The following TBC1D1 variants were observed in gnomAD, a reference collection of about 807,000 sequenced individuals.
The protein encoded by TBC1D1 is TBC1 domain family member 1, also known as TBC1 (tre-2/USP6, BUB2, cdc16) domain family, member 1.
A neutral mutation model predicts 125.6 loss-of-function variants in TBC1D1; 89 were observed. The ratio of observed to expected loss-of-function variants is 0.71; its 90% CI spans 0.60 to 0.85. TBC1D1 has a LOEUF of 0.85. TBC1D1 is among the 40% of genes least tolerant of loss of function. TBC1D1 has a pLI of 0.00. For synonymous variants in TBC1D1, 565 were observed against 564.1 expected (o/e 1.00, Z -0.02); for missense variants, 1,377 against 1,469.2 (o/e 0.94, Z 1.03).
At chr4:37,978,920 A>C (rs1254828077) in intron 2 of TBC1D1, among the ~76,000 whole-genome samples, 1 of 152,204 alleles carries the variant, frequency 6.6e-6, no homozygotes, top group Admixed American at 6.5e-5. Flanking sequence ...CTTGTCACCT[A>C]GGCTGGAGTG....
chr4:37,992,651 C>T (rs1413546312), intron 2 of TBC1D1, among the ~76,000 whole-genome samples: 4 of 149,704 alleles, frequency 2.7e-5, no homozygotes, highest in Non-Finnish European at 5.9e-5. Flanking sequence ...CCTGTCACCA[C>T]GCCCGGCTAG....
At chr4:38,125,163 A>G (rs777891699) in intron 18 of TBC1D1, 32 bp downstream of exon 20, 3 of 1,605,154 alleles carry the variant, frequency 1.9e-6, no homozygotes, top group Middle Eastern at 3.3e-4. Context: ...GCAAATGCTT[A>G]AGCCATCCTA....
At chr4:38,018,538 G>A (rs771629244) in intron 4 of TBC1D1, 95 bp downstream of exon 4, 6 of 810,270 alleles carry the variant, frequency 7.4e-6, no homozygotes, top group South Asian at 1.8e-5. Context: ...AGGTTACAAG[G>A]TGTATGTTTT....
chr4:38,064,112 C>G (rs1753258178), intron 12 of TBC1D1, among the ~76,000 whole-genome samples: 1 of 152,164 alleles, frequency 6.6e-6, no homozygotes, highest in East Asian at 1.9e-4. Context: ...TGTCTGGCTT[C>G]TTTGATTTAA....
chr4:37,992,219 C>T (rs1017846359), intron 2 of TBC1D1, among the ~76,000 whole-genome samples: 7 of 152,160 alleles, frequency 4.6e-5, no homozygotes, highest in South Asian at 2.1e-4. Flanking sequence ...ATGCCAGAGG[C>T]GGCAGAGGAG....
chr4:37,933,441 C>A (rs1461169212), intron 2 of TBC1D1, among the ~76,000 whole-genome samples: 3 of 113,262 alleles, frequency 2.6e-5, no homozygotes, highest in Non-Finnish European at 6.1e-5. Context: ...TTTACACACA[C>A]ACACACACAC....
chr4:38,044,454 A>G lies in TBC1D1; in HGVS notation c.1506A>G (p.Arg502=), dbSNP rs1407017971. Residue 502 remains arginine (R), a synonymous_variant, in exon 9 of 20, where the codon AGA becomes AGG. Transcript: ENST00000261439. ...ATATGCTGAAAAACAAAGCAAAGAGATCTTTAACAGAGTCTTTAGAAAGTA... is the reference window on the plus strand; with the variant it reads ...ATATGCTGAAAAACAAAGCAAAGAGGTCTTTAACAGAGTCTTTAGAAAGTA... 5 of 1,613,472 alleles carry G rather than the reference A, an allele frequency of 3.1e-6. No individual in the cohort carries two copies. The highest frequency in any genetic ancestry group is 4.2e-6 in the Non-Finnish European group (5 of 1,179,888).
At chr4:38,108,330 C>G (rs1560806471) in intron 15 of TBC1D1, among the ~76,000 whole-genome samples, 1 of 152,236 alleles carries the variant, frequency 6.6e-6, no homozygotes, top group Non-Finnish European at 1.5e-5. Context: ...CGTGCAGCCT[C>G]TCCCATGATA....
At chr4:38,115,990 A>G (rs761108175) in intron 16 of TBC1D1, 36 bp downstream of exon 18, 1 of 1,602,240 alleles carries the variant, frequency 6.2e-7, no homozygotes, top group South Asian at 1.1e-5. Flanking sequence ...ATACAACAAA[A>G]TGCTAAGAAT....
chr4:38,123,518 C>G (rs529406109), intron 17 of TBC1D1, among the ~76,000 whole-genome samples: 1 of 152,214 alleles, frequency 6.6e-6, no homozygotes, highest in African/African-American at 2.4e-5. Context: ...GTATGTAACA[C>G]TTACCCTGAA....
intron 12 of TBC1D1, among the ~76,000 whole-genome samples, chr4:38,073,594 G>C (rs1755071419): frequency 6.6e-6 from 1 of 152,268 alleles, no homozygotes; most frequent in South Asian, 2.1e-4. Context: ...CTACTGTTGA[G>C]TATGGATTAT....
At chr4:38,039,165 T>G (rs1321124040) in intron 8 of TBC1D1, among the ~76,000 whole-genome samples, 6 of 118,178 alleles carry the variant, frequency 5.1e-5, no homozygotes, top group South Asian at 6.6e-4. Context: ...TCACCCAGGC[T>G]GGAGTGCAGT....
chr4:38,002,661 G>T (rs994074006), intron 2 of TBC1D1, among the ~76,000 whole-genome samples: 3 of 152,218 alleles, frequency 2.0e-5, no homozygotes, highest in East Asian at 1.9e-4. Context: ...TAGCACAATA[G>T]ACAGTAATCC....
chr4:38,053,084 C>G (rs1277580872), intron 11 of TBC1D1, 22 bp from the exon 13 acceptor site: 2 of 1,391,312 alleles, frequency 1.4e-6, no homozygotes, highest in Admixed American at 3.5e-5. Context: ...ATCCTAAACT[C>G]TTTTTTCAAC....
At chr4:37,898,797 C>G (rs143722190) in intron 1 of TBC1D1, among the ~76,000 whole-genome samples, 1 of 152,306 alleles carries the variant, frequency 6.6e-6, no homozygotes, top group African/African-American at 2.4e-5. Flanking sequence ...GGTAAAATCT[C>G]AGACCCTTTG....
rs187725723 is a variant in TBC1D1 at position 37,907,238 on chromosome 4, C to A, written c.417+4726C>A. On this transcript the variant is annotated intron_variant, in intron 2 of 19. Coordinates refer to ENST00000261439, the MANE Select transcript of TBC1D1 (RefSeq NM_015173.4). ...GGAAAATGGAGCACTATATCCATAG[C>A]CTTTTTAGAAAATTGTGGATCTTTT... 2.7e-3 allele frequency among the ~76,000 whole-genome samples: 414 copies of A among 152,282 alleles called. 5 individuals carry two copies. The highest frequency in any genetic ancestry group is 9.4e-3 in the African/African-American group (389 of 41,556).
chr4:38,126,979 C>A (rs1764757547), intron 18 of TBC1D1, among the ~76,000 whole-genome samples: 1 of 151,888 alleles, frequency 6.6e-6, no homozygotes, highest in Non-Finnish European at 1.5e-5. Flanking sequence ...CTGGCATTTT[C>A]ATTCATTCTT....
chr4:38,060,674 G>A (rs1456437381), intron 12 of TBC1D1: 5 of 1,284,718 alleles, frequency 3.9e-6, no homozygotes, highest in Admixed American at 2.3e-5. Flanking sequence ...GCAGATAGAG[G>A]CAGTCTCATC....
chr4:38,137,543 C>T lies in TBC1D1; in HGVS notation c.*208C>T, dbSNP rs551449920. 5.1e-5 allele frequency: 31 copies of T among 603,530 alleles called. No homozygotes were observed. The highest frequency in any genetic ancestry group is 4.9e-4 in the Middle Eastern group (1 of 2,060). 37.4% of individuals were successfully genotyped at this position (603,530 alleles called of 1,614,324 possible). On this transcript the variant is annotated 3_prime_UTR_variant, in exon 20 of 20. Transcript: ENST00000261439. ...TTTTTGTTGTTTTTAGATACTAAAT[C>T]GTCCCTTCTCCAGTCCTGATTACTG...
Sources: gnomAD v4.1 joint callset for allele counts (sites outside exome capture counted in the v4.1 genomes callset) on GRCh38, gnomAD v4.1.1 for gene constraint, MANE v1.5 for transcripts, NCBI Gene and HGNC (gene_info 2026-07-23, HGNC 2026-07-21) for gene names.